The following ST7L variants were observed in gnomAD, a reference collection of about 807,000 sequenced individuals.
ST7L encodes suppression of tumorigenicity 7 like, also known as suppressor of tumorigenicity 7 protein-like.
Under a neutral mutation model 72.5 loss-of-function variants are expected in ST7L, and 57 were observed. The ratio of observed to expected loss-of-function variants is 0.79; its 90% CI spans 0.64 to 0.98. ST7L has a LOEUF of 0.98. Ranked by LOEUF, ST7L falls within the 50% of genes least tolerant of loss-of-function variation. The pLI is 0.00. For missense variants in ST7L, 576 were observed against 672.2 expected, an observed-to-expected ratio of 0.86 and a Z score of 1.58; for synonymous variants, 221 against 240.9, an observed-to-expected ratio of 0.92 and a Z score of 0.77.
chr1:112,520,536 C>T, downstream of ST7L: 1 of 1,605,860 alleles, frequency 6.2e-7, no homozygotes, highest in South Asian at 1.1e-5. Flanking sequence ...CTCATCCCTC[C>T]AATTCAAGCC....
downstream of ST7L, chr1:112,520,507 T>C: frequency 6.2e-7 from 1 of 1,613,636 alleles, no homozygotes; most frequent in Non-Finnish European, 8.5e-7. Context: ...GGACCAAACC[T>C]GAACACACAG....
At chr1:112,618,394 C>A (rs983383340) in intron 1 of ST7L, 19 of 368,410 alleles carry the variant, frequency 5.2e-5, no homozygotes, top group Non-Finnish European at 7.2e-5. Context: ...AAAACTATCA[C>A]GAAAACGATT....
At chr1:112,534,752 T>C (rs1211393284) in intron 14 of ST7L, among the ~76,000 whole-genome samples, 4 of 152,320 alleles carry the variant, frequency 2.6e-5, no homozygotes, top group Non-Finnish European at 5.9e-5. Context: ...ATAATATCAC[T>C]AGGAGAATGG....
Position 112,576,994 on chromosome 1 carries a change from C to A in ST7L, c.1237G>T (p.Val413Phe). 6.3e-7 allele frequency: 1 copy of A among 1,596,632 alleles called. No individual in the cohort carries two copies. Among genetic ancestry groups the A allele is most frequent in the South Asian group, 1.1e-5 (1 of 87,766 alleles). Residue 413 changes from valine to phenylalanine, a missense_variant, in exon 11 of 15, where the codon GTT becomes TTT. Val to Phe is a conservative substitution (Grantham distance 50, BLOSUM62 -1). Around this residue, in one of 3 missense-constraint regions of ST7L, gnomAD observed 511 missense variants for 600.7 expected, o/e 0.85. Transcript: ENST00000358039. ...ATCATAAAATTTCTCACTTTTGGAA[C>A]ATGAGGATTAAATTCCACAGCTCTA... ...IHRAVEFNPH[V>F]PKYLLEMKSL...
intron 13 of ST7L, among the ~76,000 whole-genome samples, chr1:112,543,984 TTTTCTAGTGATTGGATA>T (rs1656648879): frequency 6.6e-6 from 1 of 152,180 alleles, no homozygotes; most frequent in Admixed American, 6.6e-5. Flanking sequence ...CAGCTATTAT[TTTTCTAGTGATTGGATA>T]TTTCGTTATC....
At chr1:112,545,234 C>T (rs1271399520) in intron 13 of ST7L, among the ~76,000 whole-genome samples, 7 of 151,956 alleles carry the variant, frequency 4.6e-5, no homozygotes, top group Admixed American at 3.9e-4. Context: ...TATTCCCCCT[C>T]TCCTACCTTC....
In ST7L at chr1:112,599,076, ATATATATATATATATATATATAT is replaced by A. The variant is rs1571242523; in HGVS notation, c.507-1013_507-991del. 2.3e-4 allele frequency among the ~76,000 whole-genome samples: 10 copies of A among 42,732 alleles called. No homozygotes were observed. The East Asian group carries it at 7.7e-3, about 33-fold the overall frequency. 28.0% of individuals were successfully genotyped at this position (42,732 alleles called of 152,430 possible). ...CTCAGCCTCAAAAAAAAAAAAAAAT[ATATATATATATATATATATATAT>A]ATATATATATATGTGGATGTGTGTG... On this transcript the variant is annotated intron_variant, in intron 4 of 14. Coordinates refer to ENST00000358039, the MANE Select transcript of ST7L (RefSeq NM_017744.5).
At chr1:112,597,605 T>C (rs1170956034) in intron 5 of ST7L, among the ~76,000 whole-genome samples, 2 of 152,234 alleles carry the variant, frequency 1.3e-5, no homozygotes. Flanking sequence ...GACTCCAGTT[T>C]TCTGTACATG....
chr1:112,551,509 C>T (rs548552951), intron 12 of ST7L, among the ~76,000 whole-genome samples: 14 of 152,144 alleles, frequency 9.2e-5, no homozygotes, highest in Non-Finnish European at 1.9e-4. Flanking sequence ...CCAGGTCTGG[C>T]CCACTATGAT....
chr1:112,588,990 T>C (rs1665275931), intron 6 of ST7L, among the ~76,000 whole-genome samples: 5 of 152,328 alleles, frequency 3.3e-5, no homozygotes, highest in African/African-American at 9.6e-5. Flanking sequence ...TGAAACTCAC[T>C]GGTTCTTGCT....
chr1:112,568,829 G>A (rs934578877), intron 11 of ST7L, among the ~76,000 whole-genome samples: 1 of 139,638 alleles, frequency 7.2e-6, no homozygotes, highest in Non-Finnish European at 1.5e-5. Context: ...GGGCAACATA[G>A]GGAGACCCTG....
chr1:112,558,297 A>C (rs1659524173), intron 11 of ST7L, among the ~76,000 whole-genome samples: 1 of 152,224 alleles, frequency 6.6e-6, no homozygotes, highest in African/African-American at 2.4e-5. Context: ...GTTGTTATAC[A>C]AACTAACGGG....
At chr1:112,574,425 C>A (rs1350547111) in intron 11 of ST7L, among the ~76,000 whole-genome samples, 1 of 151,244 alleles carries the variant, frequency 6.6e-6, no homozygotes, top group East Asian at 2.0e-4. Flanking sequence ...TTTGGGAGGC[C>A]AAGGCGGGCG....
chr1:112,575,190 G>C (rs1052510580), intron 11 of ST7L, among the ~76,000 whole-genome samples: 1 of 152,198 alleles, frequency 6.6e-6, no homozygotes, highest in African/African-American at 2.4e-5. Context: ...AGTGAGCCAA[G>C]ATTCTGCCAC....
In ST7L at chr1:112,551,138, C is replaced by CTTTTTTTTTTTTTT. The variant is rs567601091; in HGVS notation, c.1397-459_1397-446dup. ...TCACCAAAGCTTTCTATGAGCAGAT[C>CTTTTTTTTTTTTTT]TTTTTTTTTTTTTTTTTTTTTTTTT... On this transcript the variant is annotated intron_variant, in intron 12 of 14. Transcript: ENST00000358039. Among the ~76,000 whole-genome samples, 106 of 77,226 alleles carry CTTTTTTTTTTTTTT rather than the reference C, an allele frequency of 1.4e-3. 8 individuals carry two copies. The highest frequency in any genetic ancestry group is 1.7e-3 in the African/African-American group (27 of 15,784). 50.7% of individuals were successfully genotyped at this position (77,226 alleles called of 152,430 possible).
chr1:112,540,751 A>G, intron 14 of ST7L: 1 of 1,264,312 alleles, frequency 7.9e-7, no homozygotes. Context: ...ATGGAGGCAT[A>G]TAGAGAAAAA....
chr1:112,535,302 G>A (rs890928241), intron 14 of ST7L, among the ~76,000 whole-genome samples: 1 of 152,044 alleles, frequency 6.6e-6, no homozygotes, highest in South Asian at 2.1e-4. Context: ...AGCCAGGAAG[G>A]TGGAGATTGC....
intron 5 of ST7L, among the ~76,000 whole-genome samples, chr1:112,596,035 A>T (rs1048141303): frequency 6.6e-6 from 1 of 152,202 alleles, no homozygotes; most frequent in African/African-American, 2.4e-5. Flanking sequence ...AGGGGCTGTG[A>T]GAGAAAGGGT....
At chr1:112,580,689 C>T (rs1277153126) in intron 9 of ST7L, among the ~76,000 whole-genome samples, 1 of 152,150 alleles carries the variant, frequency 6.6e-6, no homozygotes, top group African/African-American at 2.4e-5. Context: ...CTTTGGGAGG[C>T]CGAGCCAGGC....
Sources: allele counts gnomAD v4.1 joint callset (sites outside exome capture counted in the v4.1 genomes callset), GRCh38; gene constraint gnomAD v4.1.1; regional missense constraint gnomAD v4.1.1; transcripts MANE v1.5; gene names NCBI Gene and HGNC (gene_info 2026-07-23, HGNC 2026-07-21).